Variants in SPOCK1 observed in about 807,000 individuals in gnomAD.
SPOCK1 encodes the protein SPARC (osteonectin), cwcv and kazal like domains proteoglycan 1, also known as testican-1.
In SPOCK1, 23 loss-of-function variants were observed where a neutral mutation model predicts 55.3. The observed-to-expected ratio is 0.42, with a 90% CI of 0.30 to 0.59. The LOEUF (loss-of-function observed/expected upper bound fraction) is 0.59, where lower values mean the gene tolerates loss of function less well. SPOCK1 is among the 20% of genes least tolerant of loss of function. SPOCK1 has a pLI of 0.22. For missense variants in SPOCK1, 499 were observed against 552.5 expected, an observed-to-expected ratio of 0.90 and a Z score of 0.97; for synonymous variants, 226 against 221.0, an observed-to-expected ratio of 1.02 and a Z score of -0.20.
intron 2 of SPOCK1, among the ~76,000 whole-genome samples, chr5:137,312,648 G>A (rs1757809407): frequency 6.6e-6 from 1 of 152,212 alleles, no homozygotes; most frequent in African/African-American, 2.4e-5. Context: ...AGGTTGGAAT[G>A]TGTGCTCTTT....
intron 2 of SPOCK1, among the ~76,000 whole-genome samples, chr5:137,304,080 T>G (rs2348457): frequency 0.69 from 104,736 of 151,264 alleles, 37,116 homozygotes; most frequent in African/African-American, 0.84. Context: ...TTTTTTTTTT[T>G]TTGGTTCTGT....
At chr5:137,449,883 T>C (rs1281955502) in intron 2 of SPOCK1, among the ~76,000 whole-genome samples, 1 of 46,188 alleles carries the variant, frequency 2.2e-5, no homozygotes, top group Non-Finnish European at 3.7e-5. Context: ...TGAGATGCTG[T>C]CTCAAAAAAA....
chr5:137,356,498 C>CCACCAAAAAA lies in SPOCK1; in HGVS notation c.187-89444_187-89443insTTTTTTGGTG, dbSNP rs532387688. On this transcript the variant is annotated intron_variant, in intron 2 of 10. Transcript: ENST00000394945. Reference sequence around the variant, plus strand: ...CCAAGCAGATGGATACCATTTACCTCCATTTTAGAGGCAGGGTGCGGTGGT... The same window carrying CCACCAAAAAA: ...CCAAGCAGATGGATACCATTTACCTCCACCAAAAAACATTTTAGAGGCAGGGTGCGGTGGT... Among the ~76,000 whole-genome samples, 761 of 151,794 alleles carry CCACCAAAAAA rather than the reference C, an allele frequency of 5.0e-3. 11 individuals are homozygous for CCACCAAAAAA. The highest frequency in any genetic ancestry group is 0.018 in the African/African-American group (731 of 41,428).
chr5:137,228,665 C>CA lies in SPOCK1; in HGVS notation c.232+38344dup, dbSNP rs202246741. On this transcript the variant is annotated intron_variant, in intron 3 of 10. Transcript: ENST00000394945. ...AAACAAAAATAAAAACAAAAGAAAA[C>CA]AAAAAAAACCTAATCATCTTCTCAA... is the stretch of plus-strand genomic sequence containing the variant. Among the ~76,000 whole-genome samples, 1,135 of 151,570 alleles carry CA rather than the reference C, an allele frequency of 7.5e-3. 17 individuals are homozygous for CA. The highest frequency in any genetic ancestry group is 0.026 in the African/African-American group (1,074 of 41,366).
intron 3 of SPOCK1, among the ~76,000 whole-genome samples, chr5:137,191,770 G>A (rs1755184720): frequency 6.6e-6 from 1 of 152,134 alleles, no homozygotes; most frequent in African/African-American, 2.4e-5. Context: ...GTTAATGTGT[G>A]GGGAATAATT....
chr5:137,376,539 G>A (rs1285405142), intron 2 of SPOCK1, among the ~76,000 whole-genome samples: 11 of 152,228 alleles, frequency 7.2e-5, no homozygotes, highest in Non-Finnish European at 1.6e-4. Flanking sequence ...CAGGGATGGG[G>A]GCAGAGGGGG....
chr5:136,978,958 CAG>C, intron 10 of SPOCK1, 114 bp from the exon 11 acceptor site: 1 of 1,128,664 alleles, frequency 8.9e-7, no homozygotes, highest in Non-Finnish European at 1.2e-6. Context: ...TTTCTGAAAA[CAG>C]AAACATCCCT....
At chr5:137,401,558 CAAAAAAAAA>C (rs34044799) in intron 2 of SPOCK1, among the ~76,000 whole-genome samples, 20 of 100,442 alleles carry the variant, frequency 2.0e-4, no homozygotes, top group African/African-American at 7.2e-4. Context: ...CTCATCTCTA[CAAAAAAAAA>C]AAAAAAAAAA....
intron 3 of SPOCK1, among the ~76,000 whole-genome samples, chr5:137,143,969 C>A (rs1216692997): frequency 6.6e-6 from 1 of 152,188 alleles, no homozygotes; most frequent in Non-Finnish European, 1.5e-5. Context: ...CGGGGCTCAC[C>A]TCATGCCAAG....
At chr5:137,044,816 CCA>C (rs1332891161) in intron 6 of SPOCK1, among the ~76,000 whole-genome samples, 2 of 139,662 alleles carry the variant, frequency 1.4e-5, no homozygotes, top group Non-Finnish European at 3.1e-5. Flanking sequence ...ACCACAGTCC[CCA>C]GAGTGTGATA....
intron 6 of SPOCK1, among the ~76,000 whole-genome samples, chr5:137,012,118 A>T (rs1751361942): frequency 6.6e-6 from 1 of 152,160 alleles, no homozygotes; most frequent in African/African-American, 2.4e-5. Flanking sequence ...CCCAAATGTG[A>T]TCTCATTGAC....
rs146762668 is a variant in SPOCK1 at position 137,434,480 on chromosome 5, C to CTTTTTTTTTTTTTTT, written c.186+63878_186+63892dup. 3.9e-3 allele frequency among the ~76,000 whole-genome samples: 269 copies of CTTTTTTTTTTTTTTT among 68,254 alleles called. 24 individuals are homozygous for CTTTTTTTTTTTTTTT. The highest frequency in any genetic ancestry group is 4.6e-3 in the Non-Finnish European group (178 of 38,726). 44.8% of individuals were successfully genotyped at this position (68,254 alleles called of 152,430 possible). On this transcript the variant is annotated intron_variant, in intron 2 of 10. Coordinates refer to ENST00000394945, the MANE Select transcript of SPOCK1 (RefSeq NM_004598.4). ...TTTCCCTTCTCCATTTCTTTTTTTT[C>CTTTTTTTTTTTTTTT]TTTTTTTTTTTTTTTTTTTTTTTTT... is the stretch of plus-strand genomic sequence containing the variant.
At chr5:137,232,369 G>C (rs1360012111) in intron 3 of SPOCK1, among the ~76,000 whole-genome samples, 3 of 152,124 alleles carry the variant, frequency 2.0e-5, no homozygotes, top group Admixed American at 6.5e-5. Flanking sequence ...TCTGTCTATG[G>C]ATGAGGCTTC....
intron 3 of SPOCK1, among the ~76,000 whole-genome samples, chr5:137,255,710 T>C (rs184904092): frequency 1.8e-3 from 271 of 152,168 alleles, no homozygotes; most frequent in African/African-American, 6.3e-3. Context: ...TTACCATATA[T>C]TGAAGTTAGG....
At chr5:137,131,533 G>A (rs542258120) in intron 4 of SPOCK1, among the ~76,000 whole-genome samples, 3 of 152,072 alleles carry the variant, frequency 2.0e-5, no homozygotes, top group Admixed American at 6.5e-5. Context: ...GCTTGAACCC[G>A]GGAGGTGGAA....
intron 5 of SPOCK1, among the ~76,000 whole-genome samples, chr5:137,090,754 G>C (rs949034525): frequency 7.9e-5 from 12 of 152,084 alleles, no homozygotes; most frequent in African/African-American, 2.9e-4. Context: ...AAACAGAATG[G>C]GCAGATTCTG....
At chr5:137,328,190 C>G (rs1272957950) in intron 2 of SPOCK1, among the ~76,000 whole-genome samples, 1 of 152,218 alleles carries the variant, frequency 6.6e-6, no homozygotes, top group East Asian at 1.9e-4. Context: ...TCTGTAGAAT[C>G]TGTACATCTC....
intron 2 of SPOCK1, among the ~76,000 whole-genome samples, chr5:137,369,990 T>A (rs1191993989): frequency 6.6e-6 from 1 of 152,148 alleles, no homozygotes; most frequent in Admixed American, 6.5e-5. Context: ...CCCCACAGGA[T>A]GAGTGCCGTG....
chr5:137,091,398 A>G (rs757466526), intron 5 of SPOCK1, among the ~76,000 whole-genome samples: 3 of 152,218 alleles, frequency 2.0e-5, no homozygotes, highest in Admixed American at 6.5e-5. Flanking sequence ...GATGAAGCTG[A>G]GACACTATCC....
Sources: allele counts gnomAD v4.1 joint callset (sites outside exome capture counted in the v4.1 genomes callset), GRCh38; gene constraint gnomAD v4.1.1; transcripts MANE v1.5; gene names NCBI Gene and HGNC (gene_info 2026-07-23, HGNC 2026-07-21).